Variants in TDRD9 observed in about 807,000 individuals in gnomAD.
The protein encoded by TDRD9 is ATP-dependent RNA helicase TDRD9.
A neutral mutation model predicts 172.6 loss-of-function variants in TDRD9; 124 were observed. The observed-to-expected ratio is 0.72, with a 90% CI of 0.62 to 0.83. The LOEUF (loss-of-function observed/expected upper bound fraction) is 0.83, where lower values mean the gene tolerates loss of function less well. Among genes scored for constraint, TDRD9 ranks in the 40% least tolerant of loss-of-function variants. The pLI is 0.00. For synonymous variants in TDRD9, 619 were observed against 617.1 expected, an observed-to-expected ratio of 1.00 and a Z score of -0.05; for missense variants, 1,479 against 1,714.1, an observed-to-expected ratio of 0.86 and a Z score of 2.42.
At chr14:104,001,787 T>G (rs1259959255) in intron 13 of TDRD9, among the ~76,000 whole-genome samples, 1 of 152,010 alleles carries the variant, frequency 6.6e-6, no homozygotes, top group Admixed American at 6.6e-5. Flanking sequence ...TTTTGTATTT[T>G]TAGTAGAGAT....
In TDRD9 at chr14:104,012,514, CTT is replaced by C. The variant is rs34438756; in HGVS notation, c.2107-2199_2107-2198del. Among the ~76,000 whole-genome samples the C allele has an allele frequency of 3.9e-3, 555 of 141,988 alleles. 2 individuals carry two copies. Among genetic ancestry groups the C allele is most frequent in the African/African-American group, 0.013 (505 of 38,760 alleles). The allele number at this position is 141,988 out of a possible 152,430, so 93.1% of individuals were successfully genotyped here. On this transcript the variant is annotated intron_variant, in intron 20 of 35. Coordinates refer to ENST00000409874, the MANE Select transcript of TDRD9 (RefSeq NM_153046.3). ...GTAGGTGTGGGATTCTAAATCATTG[CTT>C]TTTTTTTTTTTCCATTAATTTAGTT...
At chr14:103,958,037 CAA>C (rs1405056914) in intron 2 of TDRD9, among the ~76,000 whole-genome samples, 3 of 152,156 alleles carry the variant, frequency 2.0e-5, no homozygotes, top group Non-Finnish European at 4.4e-5. Context: ...TGACATTTAT[CAA>C]GGTGTGTTCC....
chr14:104,045,497 G>A (rs113241069), intron 34 of TDRD9, among the ~76,000 whole-genome samples: 29 of 150,298 alleles, frequency 1.9e-4, no homozygotes, highest in African/African-American at 5.4e-4. Context: ...TTAGATACAC[G>A]TCTTTTATTG....
intron 34 of TDRD9, among the ~76,000 whole-genome samples, chr14:104,043,058 C>T (rs2035656184): frequency 6.6e-6 from 1 of 151,862 alleles, no homozygotes; most frequent in Non-Finnish European, 1.5e-5. Flanking sequence ...CAGAGTCTCA[C>T]CCTCTTGCTC....
rs988689140 is a variant in TDRD9 at position 103,974,530 on chromosome 14, C to T, written c.847-859C>T. The stretch of plus-strand genomic sequence containing the variant: ...CTGCACCACTGTCGTCCTGGGACTT[C>T]TCCAGTTTCTTGAGTTGGAGCTAGA... On this transcript the variant is annotated intron_variant, in intron 6 of 35. Transcript: ENST00000409874. Among the ~76,000 whole-genome samples, 4 of 152,240 alleles carry T rather than the reference C, an allele frequency of 2.6e-5. No individual in the cohort carries two copies. The East Asian group carries it at 7.7e-4, about 29-fold the overall frequency.
intron 13 of TDRD9, among the ~76,000 whole-genome samples, chr14:104,002,071 G>A (rs1489084609): frequency 6.6e-6 from 1 of 151,644 alleles, no homozygotes. Flanking sequence ...TGTAATCCCA[G>A]CACTTTGGGA....
In TDRD9 at chr14:104,040,216, A is replaced by G; in HGVS notation, c.3737A>G (p.Tyr1246Cys). 1 of 1,548,282 alleles carries G rather than the reference A, an allele frequency of 6.5e-7. No individual in the cohort carries two copies. Among genetic ancestry groups the G allele is most frequent in the Non-Finnish European group, 8.7e-7 (1 of 1,145,142 alleles). ...IELRIDQNGKYYTGVLCGLGW... is the reference protein window; with the variant it reads ...IELRIDQNGKCYTGVLCGLGW... The stretch of plus-strand genomic sequence containing the variant: ...TTTAGGATTGATCAGAATGGCAAGT[A>G]CTATACTGGAGTCCTTTGTGGTTTG... The change falls in exon 33 of 36, where the codon TAC becomes TGC. Residue 1246 changes from tyrosine (Y) to cysteine (C), a missense_variant. By Grantham distance (194) the Tyr-to-Cys change is radical. Coordinates refer to ENST00000409874, the MANE Select transcript of TDRD9 (RefSeq NM_153046.3).
Position 104,006,553 on chromosome 14 carries a change from A to G in TDRD9, c.1878A>G (p.Ile626Met), listed in dbSNP as rs2034443652. Residue 626 changes from isoleucine (I) to methionine (M), a missense_variant and splice_region_variant, in exon 16 of 36, where the codon ATA (isoleucine) becomes ATG (methionine). Ile to Met is a conservative substitution (Grantham distance 10). Around this residue, in one of 3 missense-constraint regions of TDRD9, gnomAD observed 1,413 missense variants for 1,649.1 expected, o/e 0.86. Coordinates refer to ENST00000409874, the MANE Select transcript of TDRD9 (RefSeq NM_153046.3). ...VFGCLDECLI[I>M]AAALSLKNFF... ...GATGTCTAGATGAATGTCTTATTAT[A>G]GGTAAGTGTGAGAACAAATAAATGC... The G allele has an allele frequency of 6.2e-7, 1 of 1,613,346 alleles. No homozygotes were observed. The highest frequency in any genetic ancestry group is 8.5e-7 in the Non-Finnish European group (1 of 1,179,344).
chr14:103,934,142 A>C lies in TDRD9; in HGVS notation c.215+5418A>C, dbSNP rs545926166. Among the ~76,000 whole-genome samples, 4 of 152,082 alleles carry C rather than the reference A, an allele frequency of 2.6e-5. No homozygotes were observed. The South Asian group carries it at 8.3e-4, about 32-fold the overall frequency. On this transcript the variant is annotated intron_variant, in intron 1 of 35. Transcript: ENST00000409874. ...AGCAATTTTCCTTCCTCAGTCTCCC[A>C]AGTAGCTGGGACTACAGGCACGTGC...
Position 104,025,717 on chromosome 14 carries a change from T to A in TDRD9, c.2872T>A (p.Phe958Ile). ...GGTCTGTCTGGCACCTTTTGCTGAT[T>A]TTGATAAACAACGCTACTTTAGAGC... ...DLVCLAPFAD[F>I]DKQRYFRAQV... The change falls in exon 26 of 36, where the codon TTT (phenylalanine) becomes ATT (isoleucine). Residue 958 changes from phenylalanine to isoleucine, a missense_variant. Phe to Ile is a conservative substitution (Grantham distance 21). Around this residue, in one of 3 missense-constraint regions of TDRD9, gnomAD observed 1,413 missense variants for 1,649.1 expected, o/e 0.86. Coordinates refer to ENST00000409874, the MANE Select transcript of TDRD9 (RefSeq NM_153046.3). 6.2e-7 allele frequency: 1 copy of A among 1,614,064 alleles called. No individual in the cohort carries two copies. Among genetic ancestry groups the A allele is most frequent in the Non-Finnish European group, 8.5e-7 (1 of 1,179,896 alleles).
intron 1 of TDRD9, among the ~76,000 whole-genome samples, chr14:103,932,288 GTGGATACT>G (rs1270818458): frequency 1.3e-5 from 2 of 152,242 alleles, no homozygotes; most frequent in East Asian, 3.8e-4. Context: ...CTGGCACATA[GTGGATACT>G]TGGATACTTG....
intron 7 of TDRD9, among the ~76,000 whole-genome samples, chr14:103,983,124 C>T (rs982128126): frequency 9.0e-5 from 12 of 132,676 alleles, no homozygotes; most frequent in Non-Finnish European, 1.4e-4. Context: ...AGTGCAGTGG[C>T]GCGATCTCAG....
chr14:103,984,398 A>G (rs561460454), intron 7 of TDRD9, among the ~76,000 whole-genome samples: 3 of 152,216 alleles, frequency 2.0e-5, no homozygotes, highest in African/African-American at 7.2e-5. Flanking sequence ...TGCTGTGTGC[A>G]GCCTAGGGAC....
chr14:103,976,831 A>G (rs1416849324), intron 7 of TDRD9, among the ~76,000 whole-genome samples: 1 of 152,056 alleles, frequency 6.6e-6, no homozygotes, highest in Non-Finnish European at 1.5e-5. Flanking sequence ...CATTTTTGCC[A>G]GCATTTGTCA....
chr14:103,961,069 T>G (rs2032485609), intron 2 of TDRD9, among the ~76,000 whole-genome samples: 1 of 152,186 alleles, frequency 6.6e-6, no homozygotes, highest in Admixed American at 6.5e-5. Flanking sequence ...CTCAGGGCCT[T>G]CTTTCTCTCA....
intron 1 of TDRD9, among the ~76,000 whole-genome samples, chr14:103,946,941 T>G (rs1049183927): frequency 6.6e-6 from 1 of 152,164 alleles, no homozygotes; most frequent in Non-Finnish European, 1.5e-5. Context: ...GAAGACAATA[T>G]TGTTAAAATG....
intron 9 of TDRD9, among the ~76,000 whole-genome samples, chr14:103,992,334 G>T (rs1298923730): frequency 6.6e-6 from 1 of 152,170 alleles, no homozygotes; most frequent in African/African-American, 2.4e-5. Context: ...AACATGCAAT[G>T]AAAGTAGCTT....
chr14:103,998,760 G>T, intron 13 of TDRD9, 32 bp downstream of exon 13: 4 of 1,097,350 alleles, frequency 3.6e-6, no homozygotes, highest in African/African-American at 1.6e-5. Context: ...ACAATAATGA[G>T]TCATTGGTGA....
chr14:103,948,940 T>A (rs1411148530), intron 1 of TDRD9, among the ~76,000 whole-genome samples: 4 of 151,112 alleles, frequency 2.6e-5, no homozygotes, highest in African/African-American at 4.9e-5. Flanking sequence ...GTGATTCCAC[T>A]TATATGAGAT....
Sources: allele counts gnomAD v4.1 joint callset (sites outside exome capture counted in the v4.1 genomes callset), GRCh38; gene constraint gnomAD v4.1.1; regional missense constraint gnomAD v4.1.1; transcripts MANE v1.5; gene names NCBI Gene and HGNC (gene_info 2026-07-23, HGNC 2026-07-21).